The following RALGPS2 variants were observed in gnomAD, a reference collection of about 807,000 sequenced individuals.
RALGPS2 encodes the protein Ral GEF with PH domain and SH3 binding motif 2, also known as ras-specific guanine nucleotide-releasing factor RalGPS2.
In RALGPS2, 43 loss-of-function variants were observed where a neutral mutation model predicts 86.8. The ratio of observed to expected loss-of-function variants is 0.50; its 90% CI spans 0.39 to 0.64. The LOEUF (loss-of-function observed/expected upper bound fraction) is 0.64, where lower values mean the gene tolerates loss of function less well. RALGPS2 is among the 30% of genes least tolerant of loss of function. The pLI, the probability that RALGPS2 is intolerant of heterozygous loss-of-function variation, is 0.00. For synonymous variants in RALGPS2, 243 were observed against 231.3 expected (o/e 1.05, Z -0.46); for missense variants, 536 against 694.6 (o/e 0.77, Z 2.57).
intron 4 of RALGPS2, among the ~76,000 whole-genome samples, chr1:178,786,635 A>G (rs1653665616): frequency 1.3e-5 from 2 of 151,826 alleles, no homozygotes; most frequent in South Asian, 4.1e-4. Context: ...ACTGGGTTTC[A>G]GACTCTAAAA....
At chr1:178,770,255 G>A (rs1652726213) in intron 1 of RALGPS2, among the ~76,000 whole-genome samples, 1 of 151,906 alleles carries the variant, frequency 6.6e-6, no homozygotes, top group South Asian at 2.1e-4. Context: ...CTAAGCAGAA[G>A]TGAAGCAATC....
At chr1:178,794,353 A>G (rs535263240) in intron 4 of RALGPS2, among the ~76,000 whole-genome samples, 1 of 152,232 alleles carries the variant, frequency 6.6e-6, no homozygotes, top group East Asian at 1.9e-4. Context: ...CCTGACCTAA[A>G]GTGAGCTGCC....
chr1:178,867,764 T>G (rs938060955), intron 8 of RALGPS2, among the ~76,000 whole-genome samples: 9 of 151,782 alleles, frequency 5.9e-5, no homozygotes, highest in Non-Finnish European at 1.2e-4. Context: ...TCTTTCCTTC[T>G]GTATGTATTC....
chr1:178,883,913 C>T (rs536140169), intron 11 of RALGPS2, among the ~76,000 whole-genome samples: 1 of 151,874 alleles, frequency 6.6e-6, no homozygotes, highest in Non-Finnish European at 1.5e-5. Flanking sequence ...GGCGTGAACC[C>T]GGGAGGCAGA....
intron 8 of RALGPS2, among the ~76,000 whole-genome samples, chr1:178,866,359 G>T (rs1032349857): frequency 1.3e-5 from 2 of 152,084 alleles, no homozygotes; most frequent in African/African-American, 4.8e-5. Flanking sequence ...TAAAGTTAAA[G>T]ATTTTAGGGA....
intron 4 of RALGPS2, among the ~76,000 whole-genome samples, chr1:178,800,250 T>TA (rs373432789): frequency 6.6e-6 from 1 of 152,312 alleles, no homozygotes; most frequent in African/African-American, 2.4e-5. Context: ...CGTTCTATGA[T>TA]ACAGGCATTG....
chr1:178,906,763 T>C lies in RALGPS2; in HGVS notation c.1631-13T>C. 6.3e-7 allele frequency: 1 copy of C among 1,598,738 alleles called. No individual in the cohort carries two copies. Among genetic ancestry groups the C allele is most frequent in the Non-Finnish European group, 8.6e-7 (1 of 1,169,030 alleles). On this transcript the variant is annotated splice_polypyrimidine_tract_variant and intron_variant, in intron 18 of 19. Transcript: ENST00000367635. ...CATTTTTAATATTTCCCCCTTATTT[T>C]GGATAATTTTAGGAAATTCGTACAA...
At chr1:178,747,640 A>G (rs1457746133) in intron 1 of RALGPS2, 1 of 1,555,618 alleles carries the variant, frequency 6.4e-7, no homozygotes, top group Non-Finnish European at 8.9e-7. Flanking sequence ...GCTGGCATTA[A>G]TATAATCATT....
Position 178,785,578 on chromosome 1 carries a change from G to A in RALGPS2, c.184G>A (p.Val62Ile), listed in dbSNP as rs769517660. 3.8e-6 allele frequency: 6 copies of A among 1,584,964 alleles called. No individual in the cohort carries two copies. Among genetic ancestry groups the A allele is most frequent in the African/African-American group, 2.7e-5 (2 of 73,494 alleles). The change falls in exon 4 of 20, where the codon GTT (valine) becomes ATT (isoleucine). Residue 62 changes from valine (V) to isoleucine (I), a missense_variant. By Grantham distance (29) the Val-to-Ile change is conservative. Transcript: ENST00000367635. ...EYAGQITLMD[V>I]PVFKAIQPDE... is the part of the protein sequence containing the mutation. ...TCAGGGTCAGATAACATTAATGGAT[G>A]TTCCAGTATTTAAAGCTATTCAACC...
At chr1:178,788,511 G>A (rs1191516529) in intron 4 of RALGPS2, among the ~76,000 whole-genome samples, 2 of 152,196 alleles carry the variant, frequency 1.3e-5, no homozygotes, top group Non-Finnish European at 1.5e-5. Flanking sequence ...AGACCTTACT[G>A]AGAAGATGAC....
At chr1:178,813,557 T>C (rs974361560) in intron 6 of RALGPS2, among the ~76,000 whole-genome samples, 1 of 152,136 alleles carries the variant, frequency 6.6e-6, no homozygotes, top group Admixed American at 6.5e-5. Flanking sequence ...AGTATTGTTA[T>C]CAGTCAGCAT....
At chr1:178,844,646 T>A (rs890795883) in intron 8 of RALGPS2, among the ~76,000 whole-genome samples, 3 of 152,156 alleles carry the variant, frequency 2.0e-5, no homozygotes, top group African/African-American at 7.2e-5. Flanking sequence ...ATAAGAGAAT[T>A]ATTGCTTTTA....
At chr1:178,798,352 A>G (rs909122538) in intron 4 of RALGPS2, among the ~76,000 whole-genome samples, 1 of 152,220 alleles carries the variant, frequency 6.6e-6, no homozygotes, top group African/African-American at 2.4e-5. Flanking sequence ...GATGCTAATC[A>G]GTTATCTCCA....
chr1:178,839,356 T>C (rs1656461197), intron 8 of RALGPS2, among the ~76,000 whole-genome samples: 1 of 152,190 alleles, frequency 6.6e-6, no homozygotes, highest in Non-Finnish European at 1.5e-5. Flanking sequence ...AGGGCCAATA[T>C]TCAGCATTCT....
chr1:178,847,468 A>G (rs1656922366), intron 8 of RALGPS2, among the ~76,000 whole-genome samples: 1 of 152,108 alleles, frequency 6.6e-6, no homozygotes, highest in South Asian at 2.1e-4. Context: ...AAAAAACTGA[A>G]AAGTGAGCTA....
chr1:178,830,016 A>T (rs1177651428), intron 7 of RALGPS2, among the ~76,000 whole-genome samples: 1 of 152,180 alleles, frequency 6.6e-6, no homozygotes, highest in Non-Finnish European at 1.5e-5. Context: ...AAGTGCTAGG[A>T]TTACAAGCTT....
chr1:178,785,515 G>A, intron 3 of RALGPS2, 42 bp from the exon 4 acceptor site: 1 of 1,548,580 alleles, frequency 6.5e-7, no homozygotes. Flanking sequence ...TTATGGTATA[G>A]AATTCCAAAG....
chr1:178,888,474 G>A (rs369360757), intron 13 of RALGPS2, among the ~76,000 whole-genome samples: 2 of 152,074 alleles, frequency 1.3e-5, no homozygotes, highest in African/African-American at 4.8e-5. Flanking sequence ...ATAATCTTGA[G>A]TAGTCTCACC....
At chr1:178,896,089 T>G (rs1659927737) in intron 16 of RALGPS2, among the ~76,000 whole-genome samples, 1 of 151,976 alleles carries the variant, frequency 6.6e-6, no homozygotes. Flanking sequence ...AGCCTAGCAG[T>G]TACAGTACTT....
Sources: gnomAD v4.1 joint callset for allele counts (sites outside exome capture counted in the v4.1 genomes callset) on GRCh38, gnomAD v4.1.1 for gene constraint, MANE v1.5 for transcripts, NCBI Gene and HGNC (gene_info 2026-07-23, HGNC 2026-07-21) for gene names.